ATF7IP: variants seen among roughly 807,000 people sequenced by gnomAD.
The protein encoded by ATF7IP is activating transcription factor 7 interacting protein.
In ATF7IP, 23 loss-of-function variants were observed where a neutral mutation model predicts 106.4. The ratio of observed to expected loss-of-function variants is 0.22; its 90% confidence interval spans 0.16 to 0.31. ATF7IP has a LOEUF of 0.31. ATF7IP is among the 10% of genes least tolerant of loss of function. The probability of loss-of-function intolerance (pLI) is 1.00; values close to 1 mark genes in which losing one functional copy is unlikely to be tolerated. For missense variants in ATF7IP, 1,334 were observed against 1,524.3 expected (o/e 0.88, Z 2.08); for synonymous variants, 542 against 539.0 (o/e 1.01, Z -0.08).
Position 14,460,661 on chromosome 12 carries a change from A to T in ATF7IP, c.2325A>T (p.Thr775=), listed in dbSNP as rs573468813. Residue 775 remains threonine (T), a synonymous_variant, in exon 9 of 15, where the codon ACA becomes ACT. Transcript: ENST00000261168. ...TGCCTAGTGGAAATCCCCAGCCTAC[A>T]ATCTCTTTACAGCCTTTGCCAGTGA... ...TQVPSGNPQP[T]ISLQPLPVIL... 6.8e-6 allele frequency: 11 copies of T among 1,614,142 alleles called. No homozygotes were observed. The East Asian group carries it at 2.0e-4, about 29-fold the overall frequency.
At chr12:14,491,391 A>G (rs1944816743) in intron 13 of ATF7IP, among the ~76,000 whole-genome samples, 1 of 152,212 alleles carries the variant, frequency 6.6e-6, no homozygotes, top group South Asian at 2.1e-4. Flanking sequence ...CAGGCCCCAC[A>G]TCACTGGACC....
intron 1 of ATF7IP, among the ~76,000 whole-genome samples, chr12:14,372,737 A>G (rs983280778): frequency 6.6e-5 from 10 of 152,140 alleles, no homozygotes; most frequent in South Asian, 4.1e-4. Flanking sequence ...TAGTAATGCC[A>G]TAATGTCTTA....
chr12:14,378,381 A>G (rs1027593974), intron 1 of ATF7IP, among the ~76,000 whole-genome samples: 1 of 152,188 alleles, frequency 6.6e-6, no homozygotes, highest in African/African-American at 2.4e-5. Context: ...TACAGGCGTG[A>G]GTCACCATGC....
At chr12:14,379,410 A>G (rs1325993490) in intron 1 of ATF7IP, among the ~76,000 whole-genome samples, 2 of 152,164 alleles carry the variant, frequency 1.3e-5, no homozygotes, top group South Asian at 2.1e-4. Flanking sequence ...CCCATTTTCA[A>G]ATATTTCTTT....
chr12:14,471,365 A>G (rs1944037594), intron 10 of ATF7IP, among the ~76,000 whole-genome samples: 1 of 152,288 alleles, frequency 6.6e-6, no homozygotes, highest in East Asian at 1.9e-4. Flanking sequence ...TCTATTACTA[A>G]GAGTGGTATG....
chr12:14,402,312 G>T (rs1940283182), intron 1 of ATF7IP, among the ~76,000 whole-genome samples: 3 of 151,530 alleles, frequency 2.0e-5, no homozygotes, highest in Non-Finnish European at 4.4e-5. Context: ...ATTTGTTGTT[G>T]AGATGGGGTC....
chr12:14,480,806 T>C (rs532903868), intron 12 of ATF7IP, among the ~76,000 whole-genome samples, 197 bp from the exon 13 acceptor site: 36 of 152,296 alleles, frequency 2.4e-4, no homozygotes, highest in African/African-American at 6.7e-4. Context: ...TCTTTTCCTC[T>C]GAAGCTTGGA....
At chr12:14,403,436 A>G (rs1416562724) in intron 1 of ATF7IP, among the ~76,000 whole-genome samples, 2 of 152,178 alleles carry the variant, frequency 1.3e-5, no homozygotes, top group Admixed American at 1.3e-4. Context: ...TAATGATCTA[A>G]CATAGTCACA....
chr12:14,393,323 C>A (rs1453030129), intron 1 of ATF7IP, among the ~76,000 whole-genome samples: 2 of 152,016 alleles, frequency 1.3e-5, no homozygotes, highest in African/African-American at 4.8e-5. Flanking sequence ...TTTTTCTCAA[C>A]TCATATTTTA....
chr12:14,494,284 AATATATATATATATATAT>A (rs747194414), intron 13 of ATF7IP, among the ~76,000 whole-genome samples: 1,127 of 53,800 alleles, frequency 0.021, 52 homozygotes, highest in South Asian at 0.07. Flanking sequence ...GAGCTAATAG[AATATATATATATATATAT>A]ATATATATAT....
At chr12:14,418,702 G>A (rs1249072434) in intron 1 of ATF7IP, among the ~76,000 whole-genome samples, 1 of 152,148 alleles carries the variant, frequency 6.6e-6, no homozygotes, top group Non-Finnish European at 1.5e-5. Flanking sequence ...CTAATTGTTC[G>A]TGTTACTTCC....
At chr12:14,367,290 A>G (rs1026984901) in intron 1 of ATF7IP, 4 of 152,154 alleles carry the variant, frequency 2.6e-5, no homozygotes, top group Non-Finnish European at 5.9e-5. Context: ...CCTAGATGTA[A>G]TTGAAAGTAA....
In ATF7IP at chr12:14,496,215, T is replaced by TG; in HGVS notation, c.3281-16_3281-15insG. 1 of 1,491,744 alleles carries TG rather than the reference T, an allele frequency of 6.7e-7. No homozygotes were observed. Among genetic ancestry groups the TG allele is most frequent in the Non-Finnish European group, 9.3e-7 (1 of 1,072,052 alleles). 92.4% of individuals were successfully genotyped at this position (1,491,744 alleles called of 1,614,324 possible). Reference sequence around the variant, plus strand: ...GAATTATCATTTTATCCTGTAATTTTTTTGTTTGTTTGTAGGTGTTACAGT... The same window carrying TG: ...GAATTATCATTTTATCCTGTAATTTTGTTTGTTTGTTTGTAGGTGTTACAGT... On this transcript the variant is annotated splice_polypyrimidine_tract_variant and intron_variant, in intron 13 of 14. Coordinates refer to ENST00000261168, the MANE Select transcript of ATF7IP (RefSeq NM_018179.5).
chr12:14,437,200 T>C (rs929801168), intron 4 of ATF7IP, among the ~76,000 whole-genome samples: 13 of 152,222 alleles, frequency 8.5e-5, no homozygotes, highest in Non-Finnish European at 4.4e-5. Context: ...AAAGCTTTTC[T>C]TAGAGAGGAA....
rs374846603 is a variant in ATF7IP, at chr12:14,443,883, A to T, written c.1930-3105A>T. On this transcript the variant is annotated intron_variant, in intron 5 of 14. Coordinates refer to ENST00000261168, the MANE Select transcript of ATF7IP (RefSeq NM_018179.5). Reference sequence around the variant, plus strand: ...CCTTATATCAACAATAACCAATTAGAAAATATAATGAGAAAAAGATTTCAC... The same window carrying T: ...CCTTATATCAACAATAACCAATTAGTAAATATAATGAGAAAAAGATTTCAC... Among the ~76,000 whole-genome samples, 29 of 152,338 alleles carry T rather than the reference A, an allele frequency of 1.9e-4. No individual in the cohort carries two copies. The South Asian group carries it at 6.0e-3, about 32-fold the overall frequency.
chr12:14,385,355 G>GC, intron 1 of ATF7IP: 1 of 1,532,176 alleles, frequency 6.5e-7, no homozygotes, highest in South Asian at 1.2e-5. Flanking sequence ...TGCTTAGGCA[G>GC]CAAGTATGTC....
intron 1 of ATF7IP, among the ~76,000 whole-genome samples, chr12:14,402,831 T>C (rs1242549322): frequency 6.6e-6 from 1 of 152,044 alleles, no homozygotes. Flanking sequence ...CTTCTGAGCT[T>C]AGGTGATCCA....
chr12:14,473,985 G>C (rs1210152403), intron 10 of ATF7IP, among the ~76,000 whole-genome samples: 2 of 151,776 alleles, frequency 1.3e-5, no homozygotes, highest in Non-Finnish European at 2.9e-5. Flanking sequence ...GATGTGTATA[G>C]TTATGATTTC....
At chr12:14,487,186 A>G (rs1000702834) in intron 13 of ATF7IP, among the ~76,000 whole-genome samples, 4 of 151,702 alleles carry the variant, frequency 2.6e-5, no homozygotes, top group Admixed American at 1.3e-4. Flanking sequence ...GTGGGCCCAA[A>G]TCAAGAAATT....
Sources: allele counts gnomAD v4.1 joint callset (sites outside exome capture counted in the v4.1 genomes callset), GRCh38; gene constraint gnomAD v4.1.1; transcripts MANE v1.5; gene names NCBI Gene and HGNC (gene_info 2026-07-23, HGNC 2026-07-21).